Variants in ASAP2 observed in about 807,000 individuals in gnomAD.
ASAP2 encodes arf-GAP with SH3 domain, ANK repeat and PH domain-containing protein 2.
ASAP2 carries 45 observed loss-of-function variants against 131.4 expected under a neutral mutation model. The ratio of observed to expected loss-of-function variants is 0.34; its 90% confidence interval spans 0.27 to 0.44. The LOEUF is 0.44. Among genes scored for constraint, ASAP2 ranks in the 20% least tolerant of loss-of-function variants. The pLI is 1.00. For missense variants in ASAP2, 1,011 were observed against 1,297.0 expected (o/e 0.78, Z 3.39); for synonymous variants, 510 against 503.0 (o/e 1.01, Z -0.19).
At chr2:9,214,970 G>A (rs1241584667) in intron 1 of ASAP2, among the ~76,000 whole-genome samples, 3 of 152,138 alleles carry the variant, frequency 2.0e-5, no homozygotes, top group Non-Finnish European at 4.4e-5. Flanking sequence ...ATAAGATTCC[G>A]AAGGAAACTA....
Position 9,392,106 on chromosome 2 carries a change from T to G in ASAP2, c.2518+910T>G, listed in dbSNP as rs1185770253. ...CTGGGCTCAAGTGATCCACCCGCCTTGTCCTCCCAAAGTGCTGGGATTACA... is the reference window on the plus strand; with the variant it reads ...CTGGGCTCAAGTGATCCACCCGCCTGGTCCTCCCAAAGTGCTGGGATTACA... On this transcript the variant is annotated intron_variant, in intron 23 of 27. Transcript: ENST00000281419. This position sits in a 1 kb window ranked among gnomAD's most constrained non-coding sequence, Gnocchi z 4.0. Among the ~76,000 whole-genome samples the G allele has an allele frequency of 6.6e-6, 1 of 152,170 alleles. No homozygotes were observed. The highest frequency in any genetic ancestry group is 1.9e-4 in the East Asian group (1 of 5,180).
chr2:9,355,755 A>C (rs771263068), intron 12 of ASAP2, among the ~76,000 whole-genome samples: 3 of 152,226 alleles, frequency 2.0e-5, no homozygotes, highest in African/African-American at 7.2e-5. Flanking sequence ...GTGAGTTAAA[A>C]TGAAGCTATT....
intron 19 of ASAP2, among the ~76,000 whole-genome samples, chr2:9,379,833 A>G (rs946947056): frequency 2.6e-5 from 4 of 152,032 alleles, no homozygotes. Flanking sequence ...CTCCACTAAA[A>G]ATACAAAAAT....
chr2:9,216,916 A>G (rs1013277901), intron 1 of ASAP2, among the ~76,000 whole-genome samples: 7 of 152,036 alleles, frequency 4.6e-5, no homozygotes, highest in Middle Eastern at 3.4e-3. Context: ...TGTCTTTTCT[A>G]ACATTTATGG....
intron 1 of ASAP2, among the ~76,000 whole-genome samples, chr2:9,248,879 A>G (rs1056094253): frequency 1.3e-5 from 2 of 152,192 alleles, no homozygotes; most frequent in Non-Finnish European, 2.9e-5. Context: ...TTAGGTGGCA[A>G]CGAGGCTGGC....
At chr2:9,241,991 A>G (rs1664003945) in intron 1 of ASAP2, among the ~76,000 whole-genome samples, 1 of 152,150 alleles carries the variant, frequency 6.6e-6, no homozygotes, top group African/African-American at 2.4e-5. Flanking sequence ...TGGTTTTACT[A>G]CTTGGTAACT....
chr2:9,334,039 C>CTTTTTTTTT (rs35495550), intron 7 of ASAP2, among the ~76,000 whole-genome samples: 1 of 53,248 alleles, frequency 1.9e-5, no homozygotes, highest in African/African-American at 7.1e-5. Context: ...TGTCTTTCTC[C>CTTTTTTTTT]TTTTTTTTTT....
rs1175216735 is a variant in ASAP2 at position 9,404,506 on chromosome 2, G to T, written c.*1179G>T. ...ACTCATTCGTTTAATGAACTTGACT[G>T]TCATACCTCTATTTAGTAATTGCGA... On this transcript the variant is annotated 3_prime_UTR_variant, in exon 28 of 28. Transcript: ENST00000281419. 1 of 152,216 alleles carries T rather than the reference G, an allele frequency of 6.6e-6. No homozygotes were observed. The highest frequency in any genetic ancestry group is 1.5e-5 in the Non-Finnish European group (1 of 68,044). The allele number at this position is 152,216 out of a possible 1,614,324, so 9.4% of individuals were successfully genotyped here.
chr2:9,297,735 C>T (rs1393296738), intron 3 of ASAP2, among the ~76,000 whole-genome samples: 1 of 152,184 alleles, frequency 6.6e-6, no homozygotes, highest in African/African-American at 2.4e-5. Context: ...GAATTTTTAA[C>T]AGTTTCTAAA....
At chr2:9,336,668 ATGG>A (rs1380512939) in intron 9 of ASAP2, among the ~76,000 whole-genome samples, 1 of 152,170 alleles carries the variant, frequency 6.6e-6, no homozygotes, top group Non-Finnish European at 1.5e-5. Flanking sequence ...GACCTACAAC[ATGG>A]TGACTTCCTC....
chr2:9,348,908 A>G (rs1472670171), intron 11 of ASAP2, among the ~76,000 whole-genome samples: 4 of 152,170 alleles, frequency 2.6e-5, no homozygotes, highest in African/African-American at 9.7e-5. Context: ...CCTTCCATGG[A>G]TACCCACGTC....
intron 3 of ASAP2, among the ~76,000 whole-genome samples, chr2:9,307,334 ACT>A (rs1430114684): frequency 6.6e-6 from 1 of 151,480 alleles, no homozygotes; most frequent in Non-Finnish European, 1.5e-5. Flanking sequence ...AGTGCTTCCG[ACT>A]CTCACCCTTG....
Position 9,397,448 on chromosome 2 carries a change from G to A in ASAP2, c.2685-2575G>A, listed in dbSNP as rs576529033. On this transcript the variant is annotated intron_variant, in intron 24 of 27. Transcript: ENST00000281419. ...GAGGTTAGGGCTACCCGGGACAGAC[G>A]GGGATGGACGGAGCCATGTCGTCAG... 4.2e-3 allele frequency among the ~76,000 whole-genome samples: 636 copies of A among 152,232 alleles called. 4 individuals carry two copies. Among genetic ancestry groups the A allele is most frequent in the African/African-American group, 0.014 (597 of 41,524 alleles).
At chr2:9,297,480 T>G in intron 3 of ASAP2, 35 bp downstream of exon 3, 1 of 1,610,752 alleles carries the variant, frequency 6.2e-7, no homozygotes, top group Non-Finnish European at 8.5e-7. Flanking sequence ...CTGCGGTTAC[T>G]TCAGTTGGGA....
chr2:9,270,850 T>G (rs2666211), intron 1 of ASAP2, among the ~76,000 whole-genome samples: 3 of 141,286 alleles, frequency 2.1e-5, no homozygotes, highest in Non-Finnish European at 4.6e-5. Context: ...TGGAGTGCAG[T>G]GGCGCGATCT....
intron 9 of ASAP2, among the ~76,000 whole-genome samples, chr2:9,335,881 CAT>C (rs1193377216): frequency 6.6e-6 from 1 of 152,152 alleles, no homozygotes; most frequent in Non-Finnish European, 1.5e-5. Flanking sequence ...TGTATCTAAA[CAT>C]ATATCTAGTG....
At chr2:9,212,324 A>G (rs541859043) in intron 1 of ASAP2, among the ~76,000 whole-genome samples, 178 of 152,274 alleles carry the variant, frequency 1.2e-3, no homozygotes, top group African/African-American at 3.9e-3. Flanking sequence ...GTGGATGTGC[A>G]AGGGTGCAGG....
chr2:9,239,787 G>A (rs563764171), intron 1 of ASAP2, among the ~76,000 whole-genome samples: 3 of 151,966 alleles, frequency 2.0e-5, no homozygotes, highest in Non-Finnish European at 4.4e-5. Flanking sequence ...GGTCAGTGGA[G>A]TGGTCACGGC....
At chr2:9,314,260 A>G (rs976596791) in intron 3 of ASAP2, among the ~76,000 whole-genome samples, 4 of 152,230 alleles carry the variant, frequency 2.6e-5, no homozygotes, top group Non-Finnish European at 5.9e-5. Flanking sequence ...CTGGAATTAC[A>G]GGCATGAGCC....
Sources: gnomAD v4.1 joint callset for allele counts (sites outside exome capture counted in the v4.1 genomes callset) on GRCh38, gnomAD v4.1.1 for gene constraint, Gnocchi (gnomAD v3.1) non-coding constraint, MANE v1.5 for transcripts, NCBI Gene and HGNC (gene_info 2026-07-23, HGNC 2026-07-21) for gene names.